Variants in CCDC102B observed in about 807,000 individuals in gnomAD.
CCDC102B encodes the protein coiled-coil domain-containing protein 102B.
In CCDC102B, 75 loss-of-function variants were observed where a neutral mutation model predicts 57.4. The observed-to-expected ratio is 1.31, with a 90% CI of 1.08 to 1.58. The LOEUF (loss-of-function observed/expected upper bound fraction) is 1.58, where lower values mean the gene tolerates loss of function less well. Ranked by LOEUF, CCDC102B falls within the 40% of genes most tolerant of loss-of-function variation. The pLI is 0.00. For missense variants in CCDC102B, 636 were observed against 582.6 expected, an observed-to-expected ratio of 1.09 and a Z score of -0.94; for synonymous variants, 206 against 201.9, an observed-to-expected ratio of 1.02 and a Z score of -0.17.
chr18:68,814,421 T>G (rs543047273), intron 1 of CCDC102B, among the ~76,000 whole-genome samples: 1 of 151,990 alleles, frequency 6.6e-6, no homozygotes, highest in East Asian at 1.9e-4. Context: ...ATGAATAGAG[T>G]TGGGTAATTA....
rs1226489456 is a variant in CCDC102B, at chr18:69,047,454, GGAAGCA to G, written c.1435-6575_1435-6570del. ...ACATTATACTGAATGGGCAAAAGAT[GGAAGCA>G]TTCCCTGTGATAACCAGTACAAGAT... On this transcript the variant is annotated intron_variant, in intron 7 of 7. Transcript: ENST00000360242. Among the ~76,000 whole-genome samples, 3 of 152,086 alleles carry G rather than the reference GGAAGCA, an allele frequency of 2.0e-5. No homozygotes were observed. In the East Asian group the frequency reaches 5.8e-4, roughly 29 times the overall value.
intron 2 of CCDC102B, among the ~76,000 whole-genome samples, chr18:68,765,312 GGAAGGAAGGAAGGAAAGAAAGAAAGAAA>G (rs1407594591): frequency 0.047 from 4,749 of 100,020 alleles, 125 homozygotes; most frequent in Non-Finnish European, 0.058. Context: ...AAGGAAGGAA[GGAAGGAAGGAAGGAAAGAAAGAAAGAAA>G]GAAAGAAAGA....
intron 2 of CCDC102B, among the ~76,000 whole-genome samples, chr18:68,735,560 T>C (rs908371025): frequency 6.6e-6 from 1 of 152,180 alleles, no homozygotes; most frequent in Non-Finnish European, 1.5e-5. Context: ...CCTTGCATGT[T>C]CTAAAATTTC....
At chr18:68,945,122 C>CTCCACACACACACACA (rs369066554) in intron 6 of CCDC102B, among the ~76,000 whole-genome samples, 17 of 143,924 alleles carry the variant, frequency 1.2e-4, no homozygotes, top group Non-Finnish European at 1.7e-4. Flanking sequence ...CTCTCTCTCT[C>CTCCACACACACACACA]CACACACACA....
At chr18:68,953,284 C>A (rs4643435) in intron 6 of CCDC102B, among the ~76,000 whole-genome samples, 39,714 of 150,946 alleles carry the variant, frequency 0.26, 6,339 homozygotes, top group East Asian at 0.57. Context: ...TTTATAGTTG[C>A]TGCACCATTT....
chr18:68,898,976 T>C (rs572240763), intron 6 of CCDC102B, among the ~76,000 whole-genome samples: 2 of 152,230 alleles, frequency 1.3e-5, no homozygotes, highest in South Asian at 2.1e-4. Context: ...AGACCTGGTC[T>C]CTTTGACAAT....
At chr18:68,863,559 T>G (rs2038850120) in intron 4 of CCDC102B, among the ~76,000 whole-genome samples, 1 of 151,928 alleles carries the variant, frequency 6.6e-6, no homozygotes, top group African/African-American at 2.4e-5. Flanking sequence ...TTGGAATATT[T>G]AAATAAAGAG....
chr18:69,010,925 C>T lies in CCDC102B; in HGVS notation c.1264-9C>T, dbSNP rs1320266998. ...TATAAATAATGTAATTTTTGTTTTC[C>T]TTTGAAAGGAATTACTGAACCTTCA... On this transcript the variant is annotated splice_polypyrimidine_tract_variant and intron_variant, in intron 6 of 7. Coordinates refer to ENST00000360242, the MANE Select transcript of CCDC102B (RefSeq NM_024781.3). The T allele has an allele frequency of 1.9e-6, 3 of 1,556,812 alleles. No homozygotes were observed. The highest frequency in any genetic ancestry group is 1.2e-5 in the South Asian group (1 of 80,140).
At chr18:68,957,557 G>T (rs371579021) in intron 6 of CCDC102B, among the ~76,000 whole-genome samples, 7 of 131,722 alleles carry the variant, frequency 5.3e-5, no homozygotes, top group South Asian at 4.9e-4. Context: ...GATTCTTCCA[G>T]TTTTTTTTTT....
chr18:68,800,699 G>A (rs906877226), intron 1 of CCDC102B, among the ~76,000 whole-genome samples: 1 of 152,022 alleles, frequency 6.6e-6, no homozygotes, highest in East Asian at 1.9e-4. Context: ...TGGTATCAAC[G>A]AACACTCAGC....
intron 2 of CCDC102B, among the ~76,000 whole-genome samples, chr18:68,761,375 T>A (rs1258507510): frequency 6.6e-6 from 1 of 152,076 alleles, no homozygotes; most frequent in East Asian, 1.9e-4. Flanking sequence ...TTCTGGAGAA[T>A]TCAGTTTTTA....
At chr18:69,018,221 C>T (rs1045823784) in intron 7 of CCDC102B, among the ~76,000 whole-genome samples, 3 of 152,214 alleles carry the variant, frequency 2.0e-5, no homozygotes, top group Non-Finnish European at 2.9e-5. Flanking sequence ...CATACACACA[C>T]ATGCGTATAT....
At chr18:68,747,576 G>A (rs955226782) in intron 2 of CCDC102B, among the ~76,000 whole-genome samples, 12 of 151,962 alleles carry the variant, frequency 7.9e-5, no homozygotes, top group African/African-American at 2.7e-4. Context: ...ATTTCTATGA[G>A]TTTGGCTATT....
At chr18:69,033,227 T>C (rs984681894) in intron 7 of CCDC102B, among the ~76,000 whole-genome samples, 10 of 152,138 alleles carry the variant, frequency 6.6e-5, no homozygotes, top group Admixed American at 6.6e-5. Flanking sequence ...ACAAAAATTA[T>C]GGCAACTGAA....
intron 7 of CCDC102B, among the ~76,000 whole-genome samples, chr18:69,045,060 C>A (rs182187087): frequency 4.5e-4 from 68 of 152,086 alleles, no homozygotes; most frequent in East Asian, 4.3e-3. Flanking sequence ...TATTTGAATA[C>A]CCTACTGGAG....
chr18:69,043,500 C>T (rs2052483966), intron 7 of CCDC102B, among the ~76,000 whole-genome samples: 1 of 152,036 alleles, frequency 6.6e-6, no homozygotes, highest in Non-Finnish European at 1.5e-5. Context: ...CCTGGCTTTC[C>T]TAGGCAGAGG....
At chr18:68,866,651 CAT>C (rs146850736) in intron 4 of CCDC102B, 9,244 of 372,792 alleles carry the variant, frequency 0.025, 169 homozygotes, top group South Asian at 0.046. Context: ...GGAATAAGAA[CAT>C]AGATTCAAAC....
At chr18:68,866,259 C>G (rs751495381) in intron 4 of CCDC102B, among the ~76,000 whole-genome samples, 1 of 152,254 alleles carries the variant, frequency 6.6e-6, no homozygotes, top group African/African-American at 2.4e-5. Flanking sequence ...TACATACATA[C>G]TTTATACCCA....
intron 6 of CCDC102B, among the ~76,000 whole-genome samples, chr18:68,916,150 A>ATAG (rs2041066306): frequency 1.3e-5 from 2 of 151,100 alleles, no homozygotes; most frequent in African/African-American, 4.9e-5. Context: ...TAAGAGAATA[A>ATAG]ATAGATAGAT....
Sources: allele counts gnomAD v4.1 joint callset (sites outside exome capture counted in the v4.1 genomes callset), GRCh38; gene constraint gnomAD v4.1.1; transcripts MANE v1.5; gene names NCBI Gene and HGNC (gene_info 2026-07-23, HGNC 2026-07-21).